The following TRIP11 variants were observed in gnomAD, a reference collection of about 807,000 sequenced individuals.
TRIP11 encodes thyroid receptor-interacting protein 11.
TRIP11 carries 148 observed loss-of-function variants against 223.1 expected under a neutral mutation model. The ratio of observed to expected loss-of-function variants is 0.66; its 90% confidence interval spans 0.58 to 0.76. TRIP11 has a LOEUF of 0.76. Among genes scored for constraint, TRIP11 ranks in the 30% least tolerant of loss-of-function variants. The pLI is 0.00. For missense variants in TRIP11, 2,043 were observed against 2,222.0 expected (o/e 0.92, Z 1.62); for synonymous variants, 762 against 772.6 (o/e 0.99, Z 0.23).
In TRIP11 at chr14:91,999,347, A is replaced by G. The variant is rs768146026; in HGVS notation, c.4785T>C (p.Tyr1595=). 1.9e-6 allele frequency: 3 copies of G among 1,613,844 alleles called. No homozygotes were observed. Among genetic ancestry groups the G allele is most frequent in the African/African-American group, 1.3e-5 (1 of 74,940 alleles). ...CTTCTGCAGCCAAAGCTTCACGGGTATAAGAATCTTCTGATTCTAAAAGAT... is the reference window on the plus strand; with the variant it reads ...CTTCTGCAGCCAAAGCTTCACGGGTGTAAGAATCTTCTGATTCTAAAAGAT... ...RNHLLESEDS[Y]TREALAAEDR... is the part of the protein sequence containing the mutation. The change falls in exon 13 of 21, where the codon TAT becomes TAC. Residue 1595 remains tyrosine, a synonymous_variant. Coordinates refer to ENST00000267622, the MANE Select transcript of TRIP11 (RefSeq NM_004239.4).
Position 92,039,687 on chromosome 14 carries a change from G to T in TRIP11, c.-2C>A, listed in dbSNP as rs2057363266. ...GAGGCCCCCAAGCCAGGACGACATC[G>T]CGGCGAGTTTAGAGAACGACCCGGT... On this transcript the variant is annotated 5_prime_UTR_variant, in exon 1 of 21. Transcript: ENST00000267622. 8.1e-6 allele frequency: 13 copies of T among 1,611,524 alleles called. No homozygotes were observed. The highest frequency in any genetic ancestry group is 1.1e-5 in the Non-Finnish European group (13 of 1,178,928).
rs950594238 is a variant in TRIP11 at position 92,004,463 on chromosome 14, G to T, written c.3513C>A (p.Ile1171=). 2.5e-6 allele frequency: 4 copies of T among 1,613,594 alleles called. No homozygotes were observed. In the African/African-American group the frequency reaches 4.0e-5, roughly 16 times the overall value. Residue 1171 remains isoleucine, a synonymous_variant, in exon 11 of 21, where the codon ATC becomes ATA. Transcript: ENST00000267622. ...NLSRIIREKD[I]EIDALSQKCQ... Reference sequence around the variant, plus strand: ...ATTTCTGACTTAGTGCATCTATTTCGATGTCTTTTTCTCGAATGATACGTG... The same window carrying T: ...ATTTCTGACTTAGTGCATCTATTTCTATGTCTTTTTCTCGAATGATACGTG...
At chr14:92,010,942 TAC>T in intron 9 of TRIP11, 42 bp downstream of exon 9, 1 of 1,576,178 alleles carries the variant, frequency 6.3e-7, no homozygotes, top group Non-Finnish European at 8.7e-7. Flanking sequence ...TGTGACCTGT[TAC>T]ACATACCATT....
At chr14:92,026,591 G>A in intron 2 of TRIP11, 3 of 1,284,180 alleles carry the variant, frequency 2.3e-6, no homozygotes, top group Non-Finnish European at 3.4e-6. Flanking sequence ...GTGGACACCA[G>A]CTCCGAAATC....
At chr14:91,990,322 C>A (rs141781242) in intron 15 of TRIP11, among the ~76,000 whole-genome samples, 2 of 152,060 alleles carry the variant, frequency 1.3e-5, no homozygotes, top group Non-Finnish European at 2.9e-5. Context: ...CTTAAATCTA[C>A]GCTTAGATTT....
intron 2 of TRIP11, among the ~76,000 whole-genome samples, chr14:92,032,477 G>A (rs1395295948): frequency 6.9e-6 from 1 of 144,562 alleles, no homozygotes; most frequent in African/African-American, 2.5e-5. Context: ...TAACTTTTTT[G>A]TATCCAAATA....
In TRIP11 at chr14:91,993,765, T is replaced by C. The variant is rs763822008; in HGVS notation, c.5160+44A>G. The C allele has an allele frequency of 2.1e-6, 3 of 1,445,300 alleles. 1 individual carries two copies. In the South Asian group the frequency reaches 3.4e-5, roughly 17 times the overall value. 89.5% of individuals were successfully genotyped at this position (1,445,300 alleles called of 1,614,324 possible). On this transcript the variant is annotated intron_variant, in intron 15 of 20. Coordinates refer to ENST00000267622, the MANE Select transcript of TRIP11 (RefSeq NM_004239.4). ...AGACAAAGACTCTACAAGTAACTGT[T>C]CCATGAATAATAAAACCTACAAGAG...
Position 92,021,568 on chromosome 14 carries a change from C to G in TRIP11, c.576G>C (p.Arg192Ser), listed in dbSNP as rs577597668. The G allele has an allele frequency of 5.1e-5, 83 of 1,614,110 alleles. No individual in the cohort carries two copies. The East Asian group carries it at 1.8e-3, about 36-fold the overall frequency. The change falls in exon 4 of 21, where the codon AGG (arginine) becomes AGC (serine). Residue 192 changes from arginine to serine, a missense_variant. Physicochemically the swap from Arg to Ser is moderately radical, Grantham distance 110 (BLOSUM62 -1). Coordinates refer to ENST00000267622, the MANE Select transcript of TRIP11 (RefSeq NM_004239.4). Reference protein sequence around the residue: ...SRLESEVGHWRHIAQTSKAQG... With the variant: ...SRLESEVGHWSHIAQTSKAQG... Reference sequence around the variant, plus strand: ...AATTTTTATCTACCTGAGCAATATGCCTCCAATGGCCAACTTCAGACTCAA... The same window carrying G: ...AATTTTTATCTACCTGAGCAATATGGCTCCAATGGCCAACTTCAGACTCAA...
rs2057335391 is a variant in TRIP11, at chr14:92,037,391, C to T, written c.139+2156G>A. The stretch of plus-strand genomic sequence containing the variant: ...AATGGTTCACCAAGTACTTAAGTAC[C>T]TGACATATGAGCAGGGTTGTACAGG... On this transcript the variant is annotated intron_variant, in intron 1 of 20. Coordinates refer to ENST00000267622, the MANE Select transcript of TRIP11 (RefSeq NM_004239.4). The surrounding 1 kb of genome is among the most constrained non-coding windows in gnomAD (Gnocchi z 4.2). Among the ~76,000 whole-genome samples the T allele has an allele frequency of 6.6e-6, 1 of 152,132 alleles. No homozygotes were observed. Among genetic ancestry groups the T allele is most frequent in the Non-Finnish European group, 1.5e-5 (1 of 68,026 alleles).
rs1442801877 is a variant in TRIP11, at chr14:91,969,285, CGT to C, written c.*386_*387del. On this transcript the variant is annotated 3_prime_UTR_variant, in exon 21 of 21. Coordinates refer to ENST00000267622, the MANE Select transcript of TRIP11 (RefSeq NM_004239.4). ...CCACTACTAGTATTTTTTTATTCTT[CGT>C]TTAAAAAAAAAAAACACTCTCTTGA... 1 of 302,216 alleles carries C rather than the reference CGT, an allele frequency of 3.3e-6. No homozygotes were observed. The highest frequency in any genetic ancestry group is 5.3e-5 in the South Asian group (1 of 18,828). The allele number at this position is 302,216 out of a possible 1,614,324, so 18.7% of individuals were successfully genotyped here. A position where few individuals can be genotyped will look rare whatever the true frequency, so the allele number is the denominator to read the frequency against.
rs112854528 is a variant in TRIP11 at position 92,024,349 on chromosome 14, C to T, written c.312+961G>A. Among the ~76,000 whole-genome samples, 190 of 145,202 alleles carry T rather than the reference C, an allele frequency of 1.3e-3. 2 individuals carry two copies. In the South Asian group the frequency reaches 0.024, roughly 19 times the overall value. Reference sequence around the variant, plus strand: ...TTGCACCACTGCACTTCAGCCTGGGCGACAGAGCAAGACTCTGTCTCAAAA... The same window carrying T: ...TTGCACCACTGCACTTCAGCCTGGGTGACAGAGCAAGACTCTGTCTCAAAA... On this transcript the variant is annotated intron_variant, in intron 3 of 20. Transcript: ENST00000267622.
Position 92,003,958 on chromosome 14 carries a change from C to G in TRIP11, c.4018G>C (p.Glu1340Gln), listed in dbSNP as rs754076117. The G allele has an allele frequency of 6.2e-7, 1 of 1,614,144 alleles. No individual in the cohort carries two copies. Among genetic ancestry groups the G allele is most frequent in the African/African-American group, 1.3e-5 (1 of 75,040 alleles). The change falls in exon 11 of 21, where the codon GAA becomes CAA. Residue 1340 changes from glutamate (E) to glutamine (Q), a missense_variant. Physicochemically the swap from Glu to Gln is conservative, Grantham distance 29. Transcript: ENST00000267622. ...TCTTGCTGAAGCAATTCAGAAGATT[C>G]ACTCAATACTTCAGACTTACTTGCT... Reference protein sequence around the residue: ...LRASKSEVLSESSELLQQELE... With the variant: ...LRASKSEVLSQSSELLQQELE...
Position 91,966,523 on chromosome 14 carries a change from C to T in TRIP11, c.*3150G>A, listed in dbSNP as rs1311107384. 1.0e-5 allele frequency: 2 copies of T among 198,776 alleles called. No homozygotes were observed. The highest frequency in any genetic ancestry group is 4.6e-5 in the African/African-American group (2 of 43,416). 12.3% of individuals were successfully genotyped at this position (198,776 alleles called of 1,614,324 possible). A position where few individuals can be genotyped will look rare whatever the true frequency, so the allele number is the denominator to read the frequency against. The stretch of plus-strand genomic sequence containing the variant: ...TACTGTCCCTGAAGACATAGCTTTT[C>T]CCCCCATTGATTGGATAAGTATTTT... On this transcript the variant is annotated 3_prime_UTR_variant, in exon 21 of 21. Coordinates refer to ENST00000267622, the MANE Select transcript of TRIP11 (RefSeq NM_004239.4).
At chr14:91,995,700 C>T (rs963801407) in intron 13 of TRIP11, among the ~76,000 whole-genome samples, 185 bp from the exon 14 acceptor site, 1 of 151,742 alleles carries the variant, frequency 6.6e-6, no homozygotes, top group African/African-American at 2.4e-5. Context: ...ACTGCAACCT[C>T]CACCTCCTAG....
At chr14:91,975,109 A>G (rs2056447527) in intron 18 of TRIP11, 63 bp downstream of exon 18, 8 of 1,409,312 alleles carry the variant, frequency 5.7e-6, no homozygotes, top group African/African-American at 1.4e-5. Flanking sequence ...AAAGGAAGTA[A>G]TTGTCTACAA....
At chr14:91,990,671 T>A (rs1443604554) in intron 15 of TRIP11, among the ~76,000 whole-genome samples, 1 of 152,126 alleles carries the variant, frequency 6.6e-6, no homozygotes, top group Non-Finnish European at 1.5e-5. Flanking sequence ...CAAGATTTCA[T>A]CTCTAATTAA....
intron 15 of TRIP11, among the ~76,000 whole-genome samples, chr14:91,990,897 A>AT (rs1357965050): frequency 2.6e-5 from 4 of 152,238 alleles, no homozygotes; most frequent in African/African-American, 4.8e-5. Context: ...CACTAAGAGT[A>AT]TTAGATAAAA....
chr14:92,003,040 T>C (rs554620107), intron 11 of TRIP11, among the ~76,000 whole-genome samples: 8 of 152,302 alleles, frequency 5.3e-5, no homozygotes, highest in Admixed American at 5.2e-4. Context: ...CATATGTGTA[T>C]TTTACAGTGC....
intron 1 of TRIP11, among the ~76,000 whole-genome samples, 198 bp downstream of exon 1, chr14:92,039,349 G>A (rs935901488): frequency 2.6e-5 from 4 of 152,162 alleles, no homozygotes; most frequent in Non-Finnish European, 4.4e-5. Context: ...GGAGAACCAG[G>A]ACTCTTCCCC....
Sources: allele counts gnomAD v4.1 joint callset (sites outside exome capture counted in the v4.1 genomes callset), GRCh38; gene constraint gnomAD v4.1.1; non-coding constraint Gnocchi (gnomAD v3.1); transcripts MANE v1.5; gene names NCBI Gene and HGNC (gene_info 2026-07-23, HGNC 2026-07-21).